The following CTNNA3 variants were observed in gnomAD, a reference collection of about 807,000 sequenced individuals.
CTNNA3 encodes the protein catenin alpha 3, also known as catenin alpha-3.
In CTNNA3, 76 loss-of-function variants were observed where a neutral mutation model predicts 95.7. That is an observed-to-expected ratio of 0.79 (90% CI 0.66 to 0.96). The LOEUF is 0.96. Ranked by LOEUF, CTNNA3 falls within the 40% of genes least tolerant of loss-of-function variation. The pLI is 0.00. For missense variants in CTNNA3, 1,191 were observed against 1,089.8 expected (o/e 1.09, Z -1.31); for synonymous variants, 431 against 374.4 (o/e 1.15, Z -1.74).
chr10:67,445,143 A>T (rs1846693480), intron 5 of CTNNA3, among the ~76,000 whole-genome samples: 1 of 152,036 alleles, frequency 6.6e-6, no homozygotes, highest in African/African-American at 2.4e-5. Context: ...AAGACATAAC[A>T]GAAAAAAGAA....
intron 3 of CTNNA3, among the ~76,000 whole-genome samples, chr10:67,562,953 A>T (rs1223200149): frequency 1.3e-5 from 2 of 152,148 alleles, no homozygotes; most frequent in African/African-American, 4.8e-5. Context: ...GATCTCTTCA[A>T]GGAGAACTAC....
In CTNNA3 at chr10:67,274,247, A is replaced by T. The variant is rs532097786; in HGVS notation, c.580-54377T>A. Among the ~76,000 whole-genome samples, 481 of 152,314 alleles carry T rather than the reference A, an allele frequency of 3.2e-3. 5 individuals are homozygous for T. Among genetic ancestry groups the T allele is most frequent in the African/African-American group, 0.011 (448 of 41,584 alleles). On this transcript the variant is annotated intron_variant, in intron 5 of 17. Coordinates refer to ENST00000433211, the MANE Select transcript of CTNNA3 (RefSeq NM_013266.4). ...ACAAAAGAAATGGAAGAAGAGTTAC[A>T]AAGCAGATATTAAATAAAAGAATGT...
At chr10:66,113,035 G>A (rs1308202616) in intron 13 of CTNNA3, among the ~76,000 whole-genome samples, 1 of 152,060 alleles carries the variant, frequency 6.6e-6, no homozygotes, top group Non-Finnish European at 1.5e-5. Flanking sequence ...TTAATTTTGA[G>A]AAACCTCCAT....
chr10:66,217,481 G>A (rs531811900), intron 13 of CTNNA3, among the ~76,000 whole-genome samples: 1 of 151,852 alleles, frequency 6.6e-6, no homozygotes, highest in East Asian at 1.9e-4. Flanking sequence ...TTTTATTGAT[G>A]AATAGTATTG....
At chr10:67,728,034 A>G (rs1327048743) in intron 1 of CTNNA3, among the ~76,000 whole-genome samples, 2 of 141,506 alleles carry the variant, frequency 1.4e-5, no homozygotes, top group African/African-American at 5.2e-5. Context: ...TATATATGAT[A>G]TATAATTATA....
At chr10:66,534,642 C>G (rs1045253093) in intron 10 of CTNNA3, among the ~76,000 whole-genome samples, 1 of 149,788 alleles carries the variant, frequency 6.7e-6, no homozygotes, top group African/African-American at 2.4e-5. Context: ...GCAACCCAAT[C>G]TTTGTATCTT....
intron 7 of CTNNA3, among the ~76,000 whole-genome samples, chr10:66,870,376 C>T (rs984526895): frequency 6.6e-6 from 1 of 152,144 alleles, no homozygotes; most frequent in African/African-American, 2.4e-5. Flanking sequence ...AAATTTACTG[C>T]AAAACTTGGG....
intron 7 of CTNNA3, among the ~76,000 whole-genome samples, chr10:66,818,659 TG>T: frequency 6.6e-6 from 1 of 152,336 alleles, no homozygotes; most frequent in South Asian, 2.1e-4. Context: ...AATATTCTCA[TG>T]ATGTCAACAA....
At chr10:66,285,169 TA>T (rs1467325324) in intron 12 of CTNNA3, among the ~76,000 whole-genome samples, 4 of 132,200 alleles carry the variant, frequency 3.0e-5, no homozygotes, top group African/African-American at 1.7e-4. Flanking sequence ...CTCTGTGTTA[TA>T]CTCTACTCTA....
At chr10:67,492,654 T>A (rs1260862124) in intron 5 of CTNNA3, among the ~76,000 whole-genome samples, 1 of 152,212 alleles carries the variant, frequency 6.6e-6, no homozygotes, top group Admixed American at 6.5e-5. Flanking sequence ...AGAAATCCAC[T>A]GTAAGGAAGT....
At chr10:66,465,702 C>A (rs569914834) in intron 11 of CTNNA3, among the ~76,000 whole-genome samples, 1 of 152,128 alleles carries the variant, frequency 6.6e-6, no homozygotes, top group East Asian at 1.9e-4. Flanking sequence ...CTTGCCATCT[C>A]CTGATGGGAA....
chr10:66,452,182 A>G (rs952752600), intron 11 of CTNNA3, among the ~76,000 whole-genome samples: 1 of 152,172 alleles, frequency 6.6e-6, no homozygotes, highest in Non-Finnish European at 1.5e-5. Flanking sequence ...GCATTGAGAA[A>G]TTTCATATTA....
Position 66,711,350 on chromosome 10 carries a change from T to C in CTNNA3, c.1281+54914A>G, listed in dbSNP as rs116421650. 4.7e-3 allele frequency among the ~76,000 whole-genome samples: 715 copies of C among 151,730 alleles called. 5 individuals are homozygous for C. The highest frequency in any genetic ancestry group is 0.016 in the African/African-American group (672 of 41,402). ...GCTTCAGAAATTTCAGAAATTTTAA[T>C]TGAAACATTAAAAAACAGCTATATA... is the stretch of plus-strand genomic sequence containing the variant. On this transcript the variant is annotated intron_variant, in intron 9 of 17. Transcript: ENST00000433211.
chr10:66,821,368 A>G lies in CTNNA3; in HGVS notation c.1048-45844T>C, dbSNP rs1589293243. Among the ~76,000 whole-genome samples the G allele has an allele frequency of 2.0e-5, 3 of 152,170 alleles. No individual in the cohort carries two copies. In the East Asian group the frequency reaches 5.8e-4, roughly 29 times the overall value. On this transcript the variant is annotated intron_variant, in intron 7 of 17. Coordinates refer to ENST00000433211, the MANE Select transcript of CTNNA3 (RefSeq NM_013266.4). ...CTTTATGGGCATATTCTGGCTATAA[A>G]TATCTCAGTGAGTATAACAGTTTGG...
At chr10:66,282,758 T>C (rs1218649089) in intron 12 of CTNNA3, among the ~76,000 whole-genome samples, 4 of 151,888 alleles carry the variant, frequency 2.6e-5, no homozygotes, top group Non-Finnish European at 5.9e-5. Context: ...GGACACTCAA[T>C]AAGTTGTTTT....
intron 13 of CTNNA3, among the ~76,000 whole-genome samples, chr10:66,280,141 A>T (rs2091467619): frequency 6.6e-6 from 1 of 152,102 alleles, no homozygotes; most frequent in African/African-American, 2.4e-5. Context: ...CAACAAAAAT[A>T]AAAAAGCAAA....
chr10:66,291,517 T>C (rs1395144576), intron 12 of CTNNA3, among the ~76,000 whole-genome samples: 1 of 152,084 alleles, frequency 6.6e-6, no homozygotes, highest in Non-Finnish European at 1.5e-5. Context: ...ACATTGTTGC[T>C]AAAAGAACCA....
intron 13 of CTNNA3, among the ~76,000 whole-genome samples, chr10:66,248,247 A>T (rs1023976524): frequency 1.3e-5 from 2 of 151,994 alleles, no homozygotes; most frequent in African/African-American, 4.8e-5. Context: ...TATACAACAG[A>T]TACACAAAAC....
At chr10:67,367,413 A>G (rs1013333273) in intron 5 of CTNNA3, among the ~76,000 whole-genome samples, 1 of 152,156 alleles carries the variant, frequency 6.6e-6, no homozygotes, top group Non-Finnish European at 1.5e-5. Flanking sequence ...GTCAAAAAAA[A>G]AACAGATGTT....
Sources: allele counts gnomAD v4.1 joint callset (sites outside exome capture counted in the v4.1 genomes callset), GRCh38; gene constraint gnomAD v4.1.1; transcripts MANE v1.5; gene names NCBI Gene and HGNC (gene_info 2026-07-23, HGNC 2026-07-21).